CCDC30: variants seen among roughly 807,000 people sequenced by gnomAD.
CCDC30 encodes coiled-coil domain-containing protein 30.
CCDC30 carries 70 observed loss-of-function variants against 100.2 expected under a neutral mutation model. The ratio of observed to expected loss-of-function variants is 0.70; its 90% CI spans 0.58 to 0.85. The LOEUF (loss-of-function observed/expected upper bound fraction) is 0.85. Among genes scored for constraint, CCDC30 ranks in the 40% least tolerant of loss-of-function variants. The pLI is 0.00. For synonymous variants in CCDC30, 233 were observed against 269.5 expected, an observed-to-expected ratio of 0.86 and a Z score of 1.33; for missense variants, 652 against 771.2, an observed-to-expected ratio of 0.85 and a Z score of 1.83.
chr1:42,479,291 G>A (rs1365534690), intron 1 of CCDC30, among the ~76,000 whole-genome samples: 3 of 152,056 alleles, frequency 2.0e-5, no homozygotes, highest in East Asian at 1.9e-4. Flanking sequence ...CAGGAGAATC[G>A]CTTGAACATG....
chr1:42,515,207 C>CAAAA lies in CCDC30; in HGVS notation c.456+16301_456+16304dup, dbSNP rs58531777. On this transcript the variant is annotated intron_variant, in intron 6 of 16. Transcript: ENST00000668663. ...AGACTGGAATGATGCAGCTGCAAGC[C>CAAAA]AAAAAAAAAAAAACAAGAATAAGCA... Among the ~76,000 whole-genome samples, 87 of 136,796 alleles carry CAAAA rather than the reference C, an allele frequency of 6.4e-4. 2 individuals are homozygous for CAAAA. The highest frequency in any genetic ancestry group is 2.3e-3 in the African/African-American group (86 of 36,804). 89.7% of individuals were successfully genotyped at this position (136,796 alleles called of 152,430 possible).
intron 14 of CCDC30, among the ~76,000 whole-genome samples, chr1:42,645,443 G>A (rs374828619): frequency 2.6e-5 from 4 of 152,122 alleles, no homozygotes; most frequent in South Asian, 4.2e-4. Context: ...TTCAGATCAG[G>A]TCCATAGTCT....
At chr1:42,541,357 C>T (rs1645008342) in intron 6 of CCDC30, among the ~76,000 whole-genome samples, 1 of 152,230 alleles carries the variant, frequency 6.6e-6, no homozygotes. Flanking sequence ...CTAATACCAT[C>T]CCATTGAGGG....
At chr1:42,642,500 G>A in exon 13 of CCDC30, 4 of 1,595,512 alleles carry the variant, frequency 2.5e-6, no homozygotes, top group Non-Finnish European at 2.6e-6. Flanking sequence ...CCAGATCACT[G>A]CCCAAAATGA....
chr1:42,565,252 C>T (rs1341339958), intron 6 of CCDC30, among the ~76,000 whole-genome samples: 7 of 152,040 alleles, frequency 4.6e-5, no homozygotes, highest in African/African-American at 1.7e-4. Flanking sequence ...AAAAAGACAA[C>T]CTACAGAATG....
chr1:42,537,565 T>G (rs1021982291), intron 6 of CCDC30: 6 of 329,470 alleles, frequency 1.8e-5, no homozygotes, highest in Non-Finnish European at 3.5e-5. Context: ...CTGAAGTAAA[T>G]TTTATGTAAC....
At chr1:42,523,820 A>G (rs72659945) in intron 6 of CCDC30, among the ~76,000 whole-genome samples, 20,706 of 152,014 alleles carry the variant, frequency 0.14, 1,550 homozygotes, top group East Asian at 0.19. Context: ...TTCAATTGTC[A>G]TATCTTCAGG....
chr1:42,503,083 CTA>C (rs1462267877), intron 6 of CCDC30, among the ~76,000 whole-genome samples: 1 of 152,124 alleles, frequency 6.6e-6, no homozygotes, highest in Non-Finnish European at 1.5e-5. Context: ...CAAGGTCTGG[CTA>C]TGTCACCCAG....
intron 6 of CCDC30, chr1:42,542,879 T>C (rs1645043858): frequency 2.0e-5 from 3 of 153,126 alleles, no homozygotes. Flanking sequence ...AAAGACAGGG[T>C]CTCCCTATTT....
At chr1:42,520,846 A>C (rs1644630096) in intron 6 of CCDC30, among the ~76,000 whole-genome samples, 3 of 148,976 alleles carry the variant, frequency 2.0e-5, no homozygotes, top group African/African-American at 7.5e-5. Context: ...ACGGGGTTTC[A>C]CTGTATTAGC....
chr1:42,625,540 T>C (rs1646917603), intron 11 of CCDC30, among the ~76,000 whole-genome samples: 1 of 152,132 alleles, frequency 6.6e-6, no homozygotes, highest in Admixed American at 6.5e-5. Flanking sequence ...TCCCATAGGT[T>C]TTGGTATGTT....
At chr1:42,456,949 T>C in the CCDC30 span, 2 of 1,605,954 alleles carry the variant, frequency 1.2e-6, no homozygotes, top group South Asian at 1.1e-5. Context: ...TTCCGGGTTT[T>C]GCTGAGGCTC....
rs1646300106 is a variant in CCDC30 at position 42,596,921 on chromosome 1, G to A, written c.1164+7438G>A. Among the ~76,000 whole-genome samples, 1 of 152,074 alleles carries A rather than the reference G, an allele frequency of 6.6e-6. No homozygotes were observed. The highest frequency in any genetic ancestry group is 1.5e-5 in the Non-Finnish European group (1 of 68,022). ...CAGGAAGAGATGGGCAATGCAAGCA[G>A]AGAGAGGGAAATCCTAAGAAAGAAC... is the stretch of plus-strand genomic sequence containing the variant. On this transcript the variant is annotated intron_variant, in intron 10 of 16. Transcript: ENST00000668663. This position sits in a 1 kb window ranked among gnomAD's most constrained non-coding sequence, Gnocchi z 4.3.
At chr1:42,633,525 G>C (rs1473987747) in intron 11 of CCDC30, among the ~76,000 whole-genome samples, 6 of 152,122 alleles carry the variant, frequency 3.9e-5, no homozygotes. Context: ...TATTACTCCA[G>C]AGTAGATTCC....
rs115231973 is a variant in CCDC30, at chr1:42,616,698, A to C, written c.1277+5608A>C. On this transcript the variant is annotated intron_variant, in intron 11 of 16. Coordinates refer to ENST00000668663, the Ensembl canonical transcript of CCDC30. ...ATTAATAGTTAACAAAGCCAAAAAT[A>C]AGCATAGAAAATCTACATGTTCTTC... Among the ~76,000 whole-genome samples, 1,007 of 152,348 alleles carry C rather than the reference A, an allele frequency of 6.6e-3. 15 individuals are homozygous for C. Among genetic ancestry groups the C allele is most frequent in the African/African-American group, 0.023 (970 of 41,578 alleles).
At chr1:42,573,137 C>G (rs1035434495) in intron 7 of CCDC30, among the ~76,000 whole-genome samples, 1 of 152,150 alleles carries the variant, frequency 6.6e-6, no homozygotes, top group African/African-American at 2.4e-5. Context: ...AAGCTACACA[C>G]AAATACTCAC....
chr1:42,456,734 C>T, the CCDC30 span: 1 of 1,610,642 alleles, frequency 6.2e-7, no homozygotes, highest in Non-Finnish European at 8.5e-7. Context: ...GGTGCGCTTC[C>T]TGGACAACTT....
chr1:42,535,543 A>G (rs776547514), intron 6 of CCDC30, among the ~76,000 whole-genome samples: 1 of 148,398 alleles, frequency 6.7e-6, no homozygotes, highest in Non-Finnish European at 1.5e-5. Context: ...CAATTAGTTC[A>G]TTTGACAGGT....
At chr1:42,546,426 A>ACG (rs1557843193) in intron 6 of CCDC30, among the ~76,000 whole-genome samples, 1 of 87,994 alleles carries the variant, frequency 1.1e-5, no homozygotes, top group Non-Finnish European at 2.3e-5. Flanking sequence ...ATATATATAT[A>ACG]TATATATATA....
Sources: allele counts gnomAD v4.1 joint callset (sites outside exome capture counted in the v4.1 genomes callset), GRCh38; gene constraint gnomAD v4.1.1; non-coding constraint Gnocchi (gnomAD v3.1); transcripts MANE v1.5; gene names NCBI Gene and HGNC (gene_info 2026-07-23, HGNC 2026-07-21).